The following ARHGAP15 variants were observed in gnomAD, a reference collection of about 807,000 sequenced individuals.
ARHGAP15 encodes the protein rho GTPase-activating protein 15.
ARHGAP15 carries 51 observed loss-of-function variants against 63.7 expected under a neutral mutation model. That is an observed-to-expected ratio of 0.80 (90% CI 0.64 to 1.01). The LOEUF is 1.01. ARHGAP15 is among the 50% of genes least tolerant of loss of function. The probability of loss-of-function intolerance (pLI) is 0.00; values close to 1 mark genes in which losing one functional copy is unlikely to be tolerated. For synonymous variants in ARHGAP15, 191 were observed against 193.8 expected, an observed-to-expected ratio of 0.99 and a Z score of 0.12; for missense variants, 560 against 564.6, an observed-to-expected ratio of 0.99 and a Z score of 0.08.
intron 6 of ARHGAP15, among the ~76,000 whole-genome samples, chr2:143,385,874 C>A (rs888591790): frequency 2.0e-5 from 3 of 151,896 alleles, no homozygotes; most frequent in Non-Finnish European, 4.4e-5. Context: ...ATTAAGATAA[C>A]CAGAAGAGAC....
intron 11 of ARHGAP15, among the ~76,000 whole-genome samples, chr2:143,583,515 C>T (rs902540517): frequency 6.4e-5 from 9 of 140,082 alleles, no homozygotes; most frequent in Non-Finnish European, 1.2e-4. Flanking sequence ...TGCTGGCATT[C>T]GTAAAGACAA....
intron 13 of ARHGAP15, among the ~76,000 whole-genome samples, chr2:143,745,316 CTG>C (rs933107169): frequency 6.6e-6 from 1 of 152,238 alleles, no homozygotes; most frequent in Non-Finnish European, 1.5e-5. Context: ...CCCTTTTACA[CTG>C]TGACTTCACC....
At chr2:143,483,396 G>A (rs77326916) in intron 8 of ARHGAP15, among the ~76,000 whole-genome samples, 10,035 of 152,200 alleles carry the variant, frequency 0.066, 522 homozygotes, top group East Asian at 0.22. Context: ...AAAATATACC[G>A]TGCTTGGCCC....
chr2:143,140,652 C>A (rs1239243459), intron 1 of ARHGAP15, among the ~76,000 whole-genome samples: 1 of 152,036 alleles, frequency 6.6e-6, no homozygotes, highest in South Asian at 2.1e-4. Context: ...AGATTGCTAA[C>A]CCAGTAAAGA....
intron 6 of ARHGAP15, among the ~76,000 whole-genome samples, chr2:143,428,122 T>G (rs532482565): frequency 6.6e-4 from 101 of 152,170 alleles, no homozygotes; most frequent in African/African-American, 2.3e-3. Context: ...CAGGATGTTA[T>G]GAGCGCACTT....
At chr2:143,739,413 C>A (rs531475690) in intron 13 of ARHGAP15, among the ~76,000 whole-genome samples, 1 of 152,250 alleles carries the variant, frequency 6.6e-6, no homozygotes, top group East Asian at 1.9e-4. Flanking sequence ...ATCCTGAAAT[C>A]ACAATCCTGT....
Position 143,414,446 on chromosome 2 carries a change from TATTA to T in ARHGAP15, c.475-21150_475-21147del, listed in dbSNP as rs1322252070. Among the ~76,000 whole-genome samples, 27 of 152,068 alleles carry T rather than the reference TATTA, an allele frequency of 1.8e-4. 1 individual carries two copies. Among genetic ancestry groups the T allele is most frequent in the Admixed American group, 1.7e-3 (26 of 15,270 alleles). On this transcript the variant is annotated intron_variant, in intron 6 of 13. Transcript: ENST00000295095. The stretch of plus-strand genomic sequence containing the variant: ...TTAATAACTCAGAAAACATAGATAA[TATTA>T]ATTATTTTTAGGAAAATTTAAGCCT...
intron 6 of ARHGAP15, among the ~76,000 whole-genome samples, chr2:143,258,970 A>G (rs1054501229): frequency 2.0e-5 from 3 of 152,142 alleles, no homozygotes; most frequent in Admixed American, 2.0e-4. Flanking sequence ...CGGAAATACC[A>G]ATAATGAGGA....
intron 1 of ARHGAP15, among the ~76,000 whole-genome samples, chr2:143,144,484 A>G (rs565029877): frequency 1.3e-5 from 2 of 151,980 alleles, no homozygotes; most frequent in East Asian, 1.9e-4. Context: ...AGTAAAAAGC[A>G]CTCTTGCACT....
At chr2:143,286,462 C>G (rs78185104) in intron 6 of ARHGAP15, among the ~76,000 whole-genome samples, 4,048 of 152,260 alleles carry the variant, frequency 0.027, 171 homozygotes, top group African/African-American at 0.093. Context: ...CTCTTGAAAT[C>G]CCAGCTTTGT....
chr2:143,741,587 T>C (rs1685966008), intron 13 of ARHGAP15, among the ~76,000 whole-genome samples: 1 of 152,230 alleles, frequency 6.6e-6, no homozygotes, highest in African/African-American at 2.4e-5. Context: ...AGTTTGAAAG[T>C]CAAAGAGACA....
intron 1 of ARHGAP15, among the ~76,000 whole-genome samples, chr2:143,138,654 A>G (rs961662601): frequency 1.3e-5 from 2 of 152,032 alleles, no homozygotes; most frequent in Non-Finnish European, 2.9e-5. Flanking sequence ...TCTGGATTCT[A>G]TGTCTCCCCC....
intron 6 of ARHGAP15, among the ~76,000 whole-genome samples, chr2:143,375,436 C>T (rs1686764009): frequency 6.6e-6 from 1 of 152,084 alleles, no homozygotes; most frequent in Admixed American, 6.6e-5. Context: ...ACAACATAGC[C>T]CAAGTACCCT....
chr2:143,412,083 G>A (rs1321240048), intron 6 of ARHGAP15, among the ~76,000 whole-genome samples: 1 of 152,160 alleles, frequency 6.6e-6, no homozygotes, highest in Admixed American at 6.5e-5. Context: ...TGAACCAGTA[G>A]TGTGTTTGGG....
chr2:143,663,828 C>G (rs1004137654), intron 12 of ARHGAP15, among the ~76,000 whole-genome samples: 1 of 152,126 alleles, frequency 6.6e-6, no homozygotes, highest in African/African-American at 2.4e-5. Flanking sequence ...AAGGCCATTA[C>G]ATAATGGTAA....
intron 6 of ARHGAP15, among the ~76,000 whole-genome samples, chr2:143,319,460 G>C (rs549524306): frequency 6.6e-6 from 1 of 152,184 alleles, no homozygotes; most frequent in South Asian, 2.1e-4. Context: ...GACCTCAGGT[G>C]ATTCACCCGC....
chr2:143,367,231 A>G (rs564418320), intron 6 of ARHGAP15, among the ~76,000 whole-genome samples: 1 of 152,066 alleles, frequency 6.6e-6, no homozygotes, highest in South Asian at 2.1e-4. Flanking sequence ...GATCCCCCAA[A>G]ATTAATTTTA....
At chr2:143,356,312 T>C (rs983945186) in intron 6 of ARHGAP15, among the ~76,000 whole-genome samples, 4 of 152,098 alleles carry the variant, frequency 2.6e-5, no homozygotes, top group East Asian at 1.9e-4. Context: ...TTCTAATATA[T>C]GCAAAATTTA....
chr2:143,478,471 T>C (rs1161195034), intron 8 of ARHGAP15, among the ~76,000 whole-genome samples: 1 of 152,176 alleles, frequency 6.6e-6, no homozygotes, highest in Non-Finnish European at 1.5e-5. Context: ...TTAGACACGG[T>C]GACAGCATTG....
Sources: allele counts gnomAD v4.1 joint callset (sites outside exome capture counted in the v4.1 genomes callset), GRCh38; gene constraint gnomAD v4.1.1; transcripts MANE v1.5; gene names NCBI Gene and HGNC (gene_info 2026-07-23, HGNC 2026-07-21).